Variants in NEK11 observed in about 807,000 individuals in gnomAD.
NEK11 encodes the protein NIMA related kinase 11.
Under a neutral mutation model 80.7 loss-of-function variants are expected in NEK11, and 72 were observed. That is an observed-to-expected ratio of 0.89 (90% CI 0.74 to 1.08). NEK11 has a LOEUF of 1.08. NEK11 is among the 50% of genes least tolerant of loss of function. The pLI, the probability that NEK11 is intolerant of heterozygous loss-of-function variation, is 0.00. For missense variants in NEK11, 764 were observed against 763.6 expected, an observed-to-expected ratio of 1.00 and a Z score of -0.01; for synonymous variants, 251 against 260.7, an observed-to-expected ratio of 0.96 and a Z score of 0.36.
intron 5 of NEK11, among the ~76,000 whole-genome samples, chr3:131,131,157 C>A (rs13087714): frequency 6.6e-6 from 1 of 152,010 alleles, no homozygotes; most frequent in African/African-American, 2.4e-5. Context: ...CATCTACATT[C>A]ATCAGAGATA....
chr3:131,262,742 C>G (rs745574671), intron 16 of NEK11, among the ~76,000 whole-genome samples: 1 of 152,096 alleles, frequency 6.6e-6, no homozygotes, highest in Non-Finnish European at 1.5e-5. Flanking sequence ...TATACACATG[C>G]CATGGTGGTT....
At chr3:131,344,533 G>A (rs1004600696) in intron 17 of NEK11, among the ~76,000 whole-genome samples, 1 of 152,140 alleles carries the variant, frequency 6.6e-6, no homozygotes, top group Admixed American at 6.5e-5. Context: ...AATCTTTATA[G>A]CAATGCCCCT....
chr3:131,079,974 G>T (rs1191305045), intron 3 of NEK11, among the ~76,000 whole-genome samples: 2 of 151,462 alleles, frequency 1.3e-5, no homozygotes, highest in Non-Finnish European at 2.9e-5. Flanking sequence ...GGAAAGATAG[G>T]CAAAGAAAGA....
At position 131,349,582 on chromosome 3, in the gene NEK11, G is replaced by C. The variant is rs868757034; in HGVS notation, c.1744G>C (p.Glu582Gln). 1 of 1,614,000 alleles carries C rather than the reference G, an allele frequency of 6.2e-7. No homozygotes were observed. The highest frequency in any genetic ancestry group is 1.3e-5 in the African/African-American group (1 of 74,922). ...RESAMQKLGT[E>Q]VFEEVYNYLK... ...ATCAGCCATGCAGAAGCTGGGGACAGAAGTATTTGAAGAGGTCTATAATTA... is the reference window on the plus strand; with the variant it reads ...ATCAGCCATGCAGAAGCTGGGGACACAAGTATTTGAAGAGGTCTATAATTA... Residue 582 changes from glutamate to glutamine, a missense_variant, in exon 18 of 18, where the codon GAA becomes CAA. Physicochemically the swap from Glu to Gln is conservative, Grantham distance 29 (BLOSUM62 2). Coordinates refer to ENST00000383366, the MANE Select transcript of NEK11 (RefSeq NM_024800.5).
intron 12 of NEK11, 55 bp from the exon 13 acceptor site, chr3:131,168,775 A>G: frequency 7.6e-7 from 1 of 1,315,530 alleles, no homozygotes. Flanking sequence ...TCACCTCTAG[A>G]TGAAGAAAGA....
chr3:131,219,572 G>A (rs375471776), intron 14 of NEK11, among the ~76,000 whole-genome samples: 45 of 151,706 alleles, frequency 3.0e-4, no homozygotes, highest in Middle Eastern at 6.8e-3. Context: ...AAAAAAAGAG[G>A]AATAAGAGAT....
rs562295118 is a variant in NEK11, at chr3:131,293,426, G to A, written c.1718+19852G>A. Among the ~76,000 whole-genome samples, 3 of 152,228 alleles carry A rather than the reference G, an allele frequency of 2.0e-5. No homozygotes were observed. In the South Asian group the frequency reaches 6.2e-4, roughly 32 times the overall value. Reference sequence around the variant, plus strand: ...TTGAACACTGAACTAGCCTCACTTAGAGGGGATAAATCCCACTTGGTCATG... The same window carrying A: ...TTGAACACTGAACTAGCCTCACTTAAAGGGGATAAATCCCACTTGGTCATG... On this transcript the variant is annotated intron_variant, in intron 17 of 17. Transcript: ENST00000383366.
chr3:131,279,085 C>T (rs1184411841), intron 17 of NEK11, among the ~76,000 whole-genome samples: 3 of 151,850 alleles, frequency 2.0e-5, no homozygotes, highest in African/African-American at 7.2e-5. Flanking sequence ...TAAAAATTTA[C>T]TTATGCTGGG....
intron 3 of NEK11, among the ~76,000 whole-genome samples, chr3:131,079,875 G>A (rs2074956976): frequency 6.6e-6 from 1 of 152,124 alleles, no homozygotes; most frequent in South Asian, 2.1e-4. Context: ...TAAGCTGAGA[G>A]AGAGAAGCAT....
chr3:131,245,301 T>TTGTGTGTGTGTG lies in NEK11; in HGVS notation c.1621+1821_1621+1832dup, dbSNP rs4044352. On this transcript the variant is annotated intron_variant, in intron 16 of 17. Transcript: ENST00000383366. ...TTTTTTGTGGTTGAATAGTATTCCA[T>TTGTGTGTGTGTG]TGTGTGTGTGTGTGTGTGTGTGTGT... 2.5e-3 allele frequency among the ~76,000 whole-genome samples: 348 copies of TTGTGTGTGTGTG among 140,798 alleles called. 1 individual carries two copies. Among genetic ancestry groups the TTGTGTGTGTGTG allele is most frequent in the African/African-American group, 9.2e-3 (326 of 35,320 alleles). The allele number at this position is 140,798 out of a possible 152,430, so 92.4% of individuals were successfully genotyped here. A position where few individuals can be genotyped will look rare whatever the true frequency, so the allele number is the denominator to read the frequency against.
intron 14 of NEK11, among the ~76,000 whole-genome samples, chr3:131,176,122 C>T (rs2093000537): frequency 6.6e-6 from 1 of 152,074 alleles, no homozygotes; most frequent in Non-Finnish European, 1.5e-5. Context: ...GGTGGAGGTG[C>T]ACACATCTGA....
chr3:131,204,686 A>G (rs901594629), intron 14 of NEK11, among the ~76,000 whole-genome samples: 2 of 152,118 alleles, frequency 1.3e-5, no homozygotes, highest in African/African-American at 4.8e-5. Context: ...TTTTAAATAA[A>G]TAGTACTACA....
At chr3:131,235,309 CCT>C (rs1178264214) in intron 15 of NEK11, among the ~76,000 whole-genome samples, 1 of 152,166 alleles carries the variant, frequency 6.6e-6, no homozygotes, top group African/African-American at 2.4e-5. Flanking sequence ...TACATTAATC[CCT>C]GTTTCCCTAG....
intron 3 of NEK11, among the ~76,000 whole-genome samples, chr3:131,066,854 AAAAAG>A (rs1553839702): frequency 6.6e-6 from 1 of 151,242 alleles, no homozygotes; most frequent in African/African-American, 2.4e-5. Context: ...AAAAAAAAAA[AAAAAG>A]AAAAGAAAAA....
intron 7 of NEK11, among the ~76,000 whole-genome samples, chr3:131,146,486 T>C (rs949465444): frequency 6.6e-6 from 1 of 152,154 alleles, no homozygotes; most frequent in Admixed American, 6.6e-5. Context: ...TATAGTCTCT[T>C]GTAACTCTAC....
intron 16 of NEK11, among the ~76,000 whole-genome samples, chr3:131,255,084 GAA>G (rs2095787862): frequency 5.4e-5 from 3 of 55,572 alleles, no homozygotes; most frequent in Admixed American, 1.9e-4. Context: ...AAGAAGGAAA[GAA>G]AGAAAGAAAG....
At chr3:131,284,473 C>T (rs76779578) in intron 17 of NEK11, among the ~76,000 whole-genome samples, 171 of 152,234 alleles carry the variant, frequency 1.1e-3, no homozygotes, top group Non-Finnish European at 2.0e-3. Context: ...AAAATCTAGG[C>T]TTTTAATTCA....
At chr3:131,097,937 TG>T (rs2077709304) in intron 4 of NEK11, among the ~76,000 whole-genome samples, 1 of 145,716 alleles carries the variant, frequency 6.9e-6, no homozygotes, top group African/African-American at 2.5e-5. Flanking sequence ...CAAAACAGCA[TG>T]GTACTGGTAC....
chr3:131,310,022 A>C (rs372501605), intron 17 of NEK11, among the ~76,000 whole-genome samples: 4 of 130,492 alleles, frequency 3.1e-5, no homozygotes, highest in African/African-American at 1.0e-4. Flanking sequence ...AAAAAAAAAA[A>C]ACAACCTGTA....
Sources: gnomAD v4.1 joint callset for allele counts (sites outside exome capture counted in the v4.1 genomes callset) on GRCh38, gnomAD v4.1.1 for gene constraint, MANE v1.5 for transcripts, NCBI Gene and HGNC (gene_info 2026-07-23, HGNC 2026-07-21) for gene names.